SCG3: variants seen among roughly 807,000 people sequenced by gnomAD.
SCG3 encodes the protein secretogranin-3.
Under a neutral mutation model 56.2 loss-of-function variants are expected in SCG3, and 38 were observed. The observed-to-expected ratio is 0.68, with a 90% CI of 0.52 to 0.89. The LOEUF (loss-of-function observed/expected upper bound fraction) is 0.89. Ranked by LOEUF, SCG3 falls within the 40% of genes least tolerant of loss-of-function variation. The probability of loss-of-function intolerance (pLI) is 0.00; values close to 1 mark genes in which losing one functional copy is unlikely to be tolerated. For synonymous variants in SCG3, 176 were observed against 184.2 expected, an observed-to-expected ratio of 0.96 and a Z score of 0.36; for missense variants, 524 against 540.7, an observed-to-expected ratio of 0.97 and a Z score of 0.31.
intron 10 of SCG3, among the ~76,000 whole-genome samples, chr15:51,701,779 G>A (rs1325611620): frequency 6.6e-6 from 1 of 152,118 alleles, no homozygotes; most frequent in Non-Finnish European, 1.5e-5. Flanking sequence ...GGTGGCACAT[G>A]CCTATAGTTT....
chr15:51,704,244 C>CATATATATATATAT (rs750951935), intron 10 of SCG3, among the ~76,000 whole-genome samples: 154 of 73,574 alleles, frequency 2.1e-3, no homozygotes, highest in African/African-American at 3.8e-3. Flanking sequence ...TACATACATA[C>CATATATATATATAT]ATATATATAT....
chr15:51,691,962 C>A (rs756366714), intron 6 of SCG3, among the ~76,000 whole-genome samples, 197 bp from the exon 7 acceptor site: 3 of 148,742 alleles, frequency 2.0e-5, no homozygotes, highest in Non-Finnish European at 4.4e-5. Context: ...GGTAGAGCAC[C>A]TTTCCCTGAG....
intron 10 of SCG3, among the ~76,000 whole-genome samples, chr15:51,701,782 T>C (rs1410945792): frequency 6.6e-6 from 1 of 152,134 alleles, no homozygotes; most frequent in Non-Finnish European, 1.5e-5. Context: ...GGCACATGCC[T>C]ATAGTTTTAG....
At chr15:51,711,775 C>T (rs1408248474) in intron 10 of SCG3, among the ~76,000 whole-genome samples, 1 of 152,158 alleles carries the variant, frequency 6.6e-6, no homozygotes, top group Middle Eastern at 3.2e-3. Flanking sequence ...GTTTCTACAC[C>T]AACTATTGAA....
At chr15:51,708,082 G>A (rs1159471769) in intron 10 of SCG3, 1 of 152,114 alleles carries the variant, frequency 6.6e-6, no homozygotes, top group Admixed American at 6.5e-5. Flanking sequence ...GCTGCATCTC[G>A]ACTCTGGCCC....
intron 4 of SCG3, 91 bp downstream of exon 4, chr15:51,683,525 A>G (rs2055209386): frequency 1.2e-6 from 1 of 816,426 alleles, no homozygotes; most frequent in Non-Finnish European, 1.9e-6. Flanking sequence ...TCTTTTAAAC[A>G]TTCATAATCC....
rs1271126530 is a variant in SCG3 at position 51,720,015 on chromosome 15, G to A, written c.*489G>A. ...TTCTCAAAGTCTCATAGCTTTGGAGGAGCCATCTGCTTTTTTGGCTGCTCT... is the reference window on the plus strand; with the variant it reads ...TTCTCAAAGTCTCATAGCTTTGGAGAAGCCATCTGCTTTTTTGGCTGCTCT... On this transcript the variant is annotated 3_prime_UTR_variant, in exon 12 of 12. Coordinates refer to ENST00000220478, the MANE Select transcript of SCG3 (RefSeq NM_013243.4). The A allele has an allele frequency of 6.6e-6, 1 of 152,540 alleles. No individual in the cohort carries two copies. Among genetic ancestry groups the A allele is most frequent in the Non-Finnish European group, 1.5e-5 (1 of 68,324 alleles). The allele number at this position is 152,540 out of a possible 1,614,324, so 9.4% of individuals were successfully genotyped here.
chr15:51,692,576 T>G (rs2055274763), intron 7 of SCG3, among the ~76,000 whole-genome samples: 1 of 151,718 alleles, frequency 6.6e-6, no homozygotes, highest in African/African-American at 2.4e-5. Flanking sequence ...GAAGGTTCAT[T>G]TATTTGTTCA....
intron 11 of SCG3, among the ~76,000 whole-genome samples, chr15:51,717,228 C>T (rs1001208970): frequency 6.6e-6 from 1 of 152,052 alleles, no homozygotes; most frequent in Non-Finnish European, 1.5e-5. Flanking sequence ...ATTAGCTGGG[C>T]GTGGTGGCAC....
intron 5 of SCG3, 26 bp from the exon 6 acceptor site, chr15:51,689,192 TA>T: frequency 2.5e-6 from 4 of 1,609,074 alleles, no homozygotes; most frequent in Non-Finnish European, 2.6e-6. Flanking sequence ...ATATAGCAGT[TA>T]TATATGTTTT....
At position 51,708,622 on chromosome 15, in the gene SCG3, G is replaced by A. The variant is rs1285695707; in HGVS notation, c.1208-4711G>A. 7.9e-5 allele frequency among the ~76,000 whole-genome samples: 12 copies of A among 152,280 alleles called. No individual in the cohort carries two copies. In the South Asian group the frequency reaches 1.7e-3, roughly 21 times the overall value. ...TGTCATCCCAGCACTTTGGGTGGCC[G>A]AGGAGGGCAGATCACGAGGTCAGGA... On this transcript the variant is annotated intron_variant, in intron 10 of 11. Coordinates refer to ENST00000220478, the MANE Select transcript of SCG3 (RefSeq NM_013243.4).
intron 10 of SCG3, among the ~76,000 whole-genome samples, chr15:51,704,111 T>C (rs2055355137): frequency 6.6e-6 from 1 of 151,500 alleles, no homozygotes. Flanking sequence ...ACTGGTGATA[T>C]GTGTGCCATG....
At position 51,684,394 on chromosome 15, in the gene SCG3, T is replaced by C. The variant is rs531626671; in HGVS notation, c.397+960T>C. ...GAGTTCAAGACCAACCTGGCCAACA[T>C]GGTGAAACCCCATCTCTACTAAAAA... On this transcript the variant is annotated intron_variant, in intron 4 of 11. Transcript: ENST00000220478. Among the ~76,000 whole-genome samples the C allele has an allele frequency of 2.0e-5, 3 of 152,286 alleles. No homozygotes were observed. In the South Asian group the frequency reaches 6.2e-4, roughly 32 times the overall value.
intron 7 of SCG3, chr15:51,693,086 C>A (rs936957969): frequency 6.6e-6 from 1 of 152,152 alleles, no homozygotes; most frequent in Non-Finnish European, 1.5e-5. Context: ...CTACTCTCTT[C>A]TTCGATGAGT....
intron 6 of SCG3, among the ~76,000 whole-genome samples, chr15:51,689,652 G>A (rs2055254230): frequency 6.6e-6 from 1 of 152,006 alleles, no homozygotes; most frequent in Non-Finnish European, 1.5e-5. Flanking sequence ...AGCTGGGTGT[G>A]GTGGCACAAG....
At chr15:51,715,752 G>C (rs144239000) in intron 11 of SCG3, among the ~76,000 whole-genome samples, 151 of 152,172 alleles carry the variant, frequency 9.9e-4, no homozygotes, top group African/African-American at 3.5e-3. Flanking sequence ...CACAGTAATA[G>C]CCGTGTCATA....
At position 51,719,584 on chromosome 15, in the gene SCG3, A is replaced by G; in HGVS notation, c.*58A>G. 8.2e-7 allele frequency: 1 copy of G among 1,213,180 alleles called. No individual in the cohort carries two copies. 75.2% of individuals were successfully genotyped at this position (1,213,180 alleles called of 1,614,324 possible). A position where few individuals can be genotyped will look rare whatever the true frequency, so the allele number is the denominator to read the frequency against. ...TTTCAGAAAACATAATATAGCTTAA[A>G]ACACTTCTAATTCTGTGATTAAAAT... On this transcript the variant is annotated 3_prime_UTR_variant, in exon 12 of 12. Coordinates refer to ENST00000220478, the MANE Select transcript of SCG3 (RefSeq NM_013243.4).
chr15:51,686,215 G>A (rs2055227722), intron 4 of SCG3, among the ~76,000 whole-genome samples: 1 of 152,184 alleles, frequency 6.6e-6, no homozygotes, highest in East Asian at 1.9e-4. Context: ...AAGCCATTCT[G>A]AGTCATACTA....
intron 10 of SCG3, among the ~76,000 whole-genome samples, chr15:51,711,023 G>C (rs956695061): frequency 6.6e-6 from 1 of 152,182 alleles, no homozygotes; most frequent in Non-Finnish European, 1.5e-5. Flanking sequence ...AGGTACATGA[G>C]CAGGAAGAGA....
Sources: gnomAD v4.1 joint callset for allele counts (sites outside exome capture counted in the v4.1 genomes callset) on GRCh38, gnomAD v4.1.1 for gene constraint, MANE v1.5 for transcripts, NCBI Gene and HGNC (gene_info 2026-07-23, HGNC 2026-07-21) for gene names.